STK25: variants seen among roughly 807,000 people sequenced by gnomAD.
STK25 encodes serine/threonine kinase 25.
A neutral mutation model predicts 53.8 loss-of-function variants in STK25; 29 were observed. The observed-to-expected ratio is 0.54, with a 90% CI of 0.40 to 0.74. The LOEUF (loss-of-function observed/expected upper bound fraction) is 0.74, where lower values mean the gene tolerates loss of function less well. Ranked by LOEUF, STK25 falls within the 30% of genes least tolerant of loss-of-function variation. STK25 has a pLI of 0.00. For missense variants in STK25, 420 were observed against 568.0 expected, an observed-to-expected ratio of 0.74 and a Z score of 2.65; for synonymous variants, 247 against 238.3, an observed-to-expected ratio of 1.04 and a Z score of -0.33.
intron 9 of STK25, 47 bp from the exon 10 acceptor site, chr2:241,497,734 A>G (rs1481777713): frequency 6.3e-7 from 1 of 1,581,188 alleles, no homozygotes; most frequent in Non-Finnish European, 8.7e-7. Context: ...TGCAGGTGAC[A>G]GGCAGGGCAC....
chr2:241,494,107 C>A lies in STK25; in HGVS notation c.*1555G>T. On this transcript the variant is annotated 3_prime_UTR_variant, in exon 12 of 12. Coordinates refer to ENST00000316586, the MANE Select transcript of STK25 (RefSeq NM_001271977.2). The surrounding 1 kb of genome is among the most constrained non-coding windows in gnomAD (Gnocchi z 4.9). ...CCTCCTCAGGGCTGGAGGGGATGGTCAGGGGGAAGGAGGAATGACGCTCAA... is the reference window on the plus strand; with the variant it reads ...CCTCCTCAGGGCTGGAGGGGATGGTAAGGGGGAAGGAGGAATGACGCTCAA... 1 of 1,477,176 alleles carries A rather than the reference C, an allele frequency of 6.8e-7. No homozygotes were observed. The highest frequency in any genetic ancestry group is 1.5e-5 in the South Asian group (1 of 65,536). 91.5% of individuals were successfully genotyped at this position (1,477,176 alleles called of 1,614,324 possible). A position where few individuals can be genotyped will look rare whatever the true frequency, so the allele number is the denominator to read the frequency against.
In STK25 at chr2:241,496,409, C is replaced by G. The variant is rs764399606; in HGVS notation, c.1230G>C (p.Glu410Asp). 3 of 1,613,510 alleles carry G rather than the reference C, an allele frequency of 1.9e-6. No individual in the cohort carries two copies. Among genetic ancestry groups the G allele is most frequent in the Non-Finnish European group, 2.5e-6 (3 of 1,179,902 alleles). ...ISDKLMVHLV[E>D]RVQRFSHNRN... The stretch of plus-strand genomic sequence containing the variant: ...ACGGCCGCCCTCACCTCTGCACTCG[C>G]TCCACCAGGTGCACCATCAGCTTGT... The change falls in exon 11 of 12, where the codon GAG (glutamate) becomes GAC (aspartate). Residue 410 changes from glutamate to aspartate, a missense_variant. Glu to Asp is a conservative substitution (Grantham distance 45). Coordinates refer to ENST00000316586, the MANE Select transcript of STK25 (RefSeq NM_001271977.2). This position sits in a 1 kb window ranked among gnomAD's most constrained non-coding sequence, Gnocchi z 5.8.
chr2:241,500,729 C>T lies in STK25; in HGVS notation c.318+11G>A. 1.2e-6 allele frequency: 2 copies of T among 1,613,800 alleles called. No homozygotes were observed. The highest frequency in any genetic ancestry group is 1.7e-6 in the Non-Finnish European group (2 of 1,179,890). On this transcript the variant is annotated intron_variant, in intron 4 of 11. Coordinates refer to ENST00000316586, the MANE Select transcript of STK25 (RefSeq NM_001271977.2). ...CTGCATGACCCCCCACTGCCATGGC[C>T]TATGCCTCACCAAGTCCAGTGCTGA...
intron 1 of STK25, 98 bp from the exon 2 acceptor site, chr2:241,508,233 C>A: frequency 7.6e-7 from 1 of 1,313,830 alleles, no homozygotes; most frequent in Non-Finnish European, 9.7e-7. Flanking sequence ...CCCAGGAGAC[C>A]CCCCAGGCCG....
intron 2 of STK25, among the ~76,000 whole-genome samples, chr2:241,507,594 A>G (rs991032458): frequency 6.6e-6 from 1 of 152,148 alleles, no homozygotes; most frequent in Non-Finnish European, 1.5e-5. Flanking sequence ...GCCCCTGCCC[A>G]GCCCAACACG....
In STK25 at chr2:241,499,338, CG is replaced by C; in HGVS notation, c.503del (p.Thr168SerfsTer59). ...CCACGAATGTGTTCCTCTTAATCTG[CG>C]TGTCTGTGAGCTGCCCTGCTACCCC... ...DFGVAGQLTD[T>X]QIKRNTFVGT... On this transcript the variant is annotated frameshift_variant, in exon 6 of 12. Coordinates refer to ENST00000316586, the MANE Select transcript of STK25 (RefSeq NM_001271977.2). LOFTEE classifies it high-confidence loss of function. The C allele has an allele frequency of 4.3e-6, 7 of 1,614,028 alleles. No homozygotes were observed. Among genetic ancestry groups the C allele is most frequent in the Non-Finnish European group, 5.9e-6 (7 of 1,179,988 alleles).
chr2:241,493,418 G>A lies in STK25; in HGVS notation c.*2244C>T. The A allele has an allele frequency of 6.2e-7, 1 of 1,613,842 alleles. No individual in the cohort carries two copies. Among genetic ancestry groups the A allele is most frequent in the Non-Finnish European group, 8.5e-7 (1 of 1,180,010 alleles). On this transcript the variant is annotated 3_prime_UTR_variant, in exon 12 of 12. Coordinates refer to ENST00000316586, the MANE Select transcript of STK25 (RefSeq NM_001271977.2). ...TCAAATCCCACGTCTACTTCTTCCG[G>A]GCTGAGAGCAAGTACACATTTGAAA...
Position 241,498,782 on chromosome 2 carries a change from C to T in STK25, c.774G>A (p.Arg258=). The T allele has an allele frequency of 6.2e-7, 1 of 1,613,884 alleles. No homozygotes were observed. Among genetic ancestry groups the T allele is most frequent in the South Asian group, 1.1e-5 (1 of 91,076 alleles). ...GCTTCAGGAGCTCCTTGGCCGTGGG[C>T]CGCTGCAGGGGGTCAGGGGAACACT... ...EACLNKDPRF[R]PTAKELLKHK... The change falls in exon 8 of 12, where the codon CGG becomes CGA. Residue 258 remains arginine (R), a splice_region_variant and synonymous_variant. Coordinates refer to ENST00000316586, the MANE Select transcript of STK25 (RefSeq NM_001271977.2).
At chr2:241,497,981 G>A (rs2065275188) in intron 9 of STK25, among the ~76,000 whole-genome samples, 1 of 146,992 alleles carries the variant, frequency 6.8e-6, no homozygotes, top group Non-Finnish European at 1.5e-5. Context: ...ACCCTCTCCT[G>A]ACTCTGAGGG....
In STK25 at chr2:241,496,575, A is replaced by G. The variant is rs1326149854; in HGVS notation, c.1105-41T>C. The G allele has an allele frequency of 3.8e-6, 6 of 1,594,178 alleles. No individual in the cohort carries two copies. The highest frequency in any genetic ancestry group is 1.7e-5 in the Admixed American group (1 of 59,354). ...CACGCCTGACCCTGGACCCCAGGAC[A>G]GGCCTTCAGGGAGCCTGCTCCTTTG... On this transcript the variant is annotated intron_variant, in intron 10 of 11. Transcript: ENST00000316586. This position sits in a 1 kb window ranked among gnomAD's most constrained non-coding sequence, Gnocchi z 5.8.
At position 241,498,703 on chromosome 2, in the gene STK25, C is replaced by A. The variant is rs756612709; in HGVS notation, c.853G>T (p.Asp285Tyr). 1 of 1,614,112 alleles carries A rather than the reference C, an allele frequency of 6.2e-7. No individual in the cohort carries two copies. Among genetic ancestry groups the A allele is most frequent in the Non-Finnish European group, 8.5e-7 (1 of 1,180,028 alleles). The change falls in exon 8 of 12, where the codon GAC becomes TAC. Residue 285 changes from aspartate (D) to tyrosine (Y), a missense_variant. Transcript: ENST00000316586. ...KKTSFLTELI[D>Y]RYKRWKSEGH... ...TCTGACTTCCAGCGCTTATAGCGGT[C>A]GATGAGCTCCGTGAGGAAGGAGGTC...
At chr2:241,504,630 C>T (rs574407818) in intron 2 of STK25, among the ~76,000 whole-genome samples, 5 of 152,292 alleles carry the variant, frequency 3.3e-5, no homozygotes, top group Admixed American at 1.3e-4. Context: ...GAAAGTCAAC[C>T]CAGAACATGC....
In STK25 at chr2:241,494,048, A is replaced by G; in HGVS notation, c.*1614T>C. ...CCAGGGGGCCAGCAGCTCAGCCGGGAGGGCCCCAAGCATCGTGCAGGATGG... is the reference window on the plus strand; with the variant it reads ...CCAGGGGGCCAGCAGCTCAGCCGGGGGGGCCCCAAGCATCGTGCAGGATGG... On this transcript the variant is annotated 3_prime_UTR_variant, in exon 12 of 12. Coordinates refer to ENST00000316586, the MANE Select transcript of STK25 (RefSeq NM_001271977.2). The surrounding 1 kb of genome is among the most constrained non-coding windows in gnomAD (Gnocchi z 4.9). The G allele has an allele frequency of 2.8e-6, 4 of 1,421,084 alleles. No individual in the cohort carries two copies. The highest frequency in any genetic ancestry group is 3.7e-6 in the Non-Finnish European group (4 of 1,086,914). The allele number at this position is 1,421,084 out of a possible 1,614,324, so 88.0% of individuals were successfully genotyped here.
At position 241,493,609 on chromosome 2, in the gene STK25, T is replaced by TG. The variant is rs953077300; in HGVS notation, c.*2052_*2053insC. The TG allele has an allele frequency of 1.6e-6, 1 of 633,276 alleles. No individual in the cohort carries two copies. Among genetic ancestry groups the TG allele is most frequent in the African/African-American group, 1.8e-5 (1 of 54,434 alleles). The allele number at this position is 633,276 out of a possible 1,614,324, so 39.2% of individuals were successfully genotyped here. On this transcript the variant is annotated 3_prime_UTR_variant, in exon 12 of 12. Transcript: ENST00000316586. ...ACAGCAATGCTTTGTTTTTTTTTTT[T>TG]TTGGAGATGGCGTCTCCCTCTGTCA...
intron 2 of STK25, among the ~76,000 whole-genome samples, chr2:241,507,549 T>C (rs1195412632): frequency 1.3e-5 from 2 of 152,128 alleles, no homozygotes; most frequent in Non-Finnish European, 2.9e-5. Context: ...CTCCACAATC[T>C]CAGCCCCTCA....
chr2:241,503,451 G>A (rs962233214), intron 2 of STK25, among the ~76,000 whole-genome samples: 35 of 149,162 alleles, frequency 2.3e-4, no homozygotes, highest in Non-Finnish European at 4.0e-4. Context: ...GGTGGTTCAC[G>A]CCTGTAATCC....
chr2:241,506,340 C>A (rs2065827379), intron 2 of STK25, among the ~76,000 whole-genome samples: 1 of 152,244 alleles, frequency 6.6e-6, no homozygotes, highest in Non-Finnish European at 1.5e-5. Context: ...CCTTTGGAAT[C>A]CCTTCTCCAA....
intron 6 of STK25, 33 bp downstream of exon 6, chr2:241,499,218 CAGGCAT>C: frequency 6.2e-7 from 1 of 1,613,804 alleles, no homozygotes; most frequent in South Asian, 1.1e-5. Flanking sequence ...GCACCCGAGC[CAGGCAT>C]GGTGCCCGCA....
At position 241,498,743 on chromosome 2, in the gene STK25, T is replaced by C. The variant is rs1192937001; in HGVS notation, c.813A>G (p.Thr271=). 4 of 1,614,092 alleles carry C rather than the reference T, an allele frequency of 2.5e-6. No individual in the cohort carries two copies. The Admixed American group carries it at 5.0e-5, about 20-fold the overall frequency. ...AKELLKHKFI[T]RYTKKTSFLT... ...GGAAGGAGGTCTTCTTGGTGTAGCG[T>C]GTGATGAACTTGTGCTTCAGGAGCT... is the stretch of plus-strand genomic sequence containing the variant. The change falls in exon 8 of 12, where the codon ACA becomes ACG. Residue 271 remains threonine, a synonymous_variant. Transcript: ENST00000316586.
Sources: allele counts gnomAD v4.1 joint callset (sites outside exome capture counted in the v4.1 genomes callset), GRCh38; gene constraint gnomAD v4.1.1; non-coding constraint Gnocchi (gnomAD v3.1); transcripts MANE v1.5; gene names NCBI Gene and HGNC (gene_info 2026-07-23, HGNC 2026-07-21).